The following ROR2 variants were observed in gnomAD, a reference collection of about 807,000 sequenced individuals.
The protein encoded by ROR2 is ROR family WNT receptor 2, also known as tyrosine-protein kinase transmembrane receptor ROR2.
ROR2 carries 33 observed loss-of-function variants against 74.9 expected under a neutral mutation model. The ratio of observed to expected loss-of-function variants is 0.44; its 90% CI spans 0.33 to 0.59. The LOEUF is 0.59. ROR2 is among the 20% of genes least tolerant of loss of function. ROR2 has a pLI of 0.02. For missense variants in ROR2, 1,216 were observed against 1,313.8 expected, an observed-to-expected ratio of 0.93 and a Z score of 1.15; for synonymous variants, 586 against 558.7, an observed-to-expected ratio of 1.05 and a Z score of -0.69.
At chr9:91,946,012 A>G (rs1367967084) in intron 1 of ROR2, among the ~76,000 whole-genome samples, 2 of 152,170 alleles carry the variant, frequency 1.3e-5, no homozygotes, top group African/African-American at 4.8e-5. Context: ...AGAAGCCCAC[A>G]CTACCCACTG....
At chr9:91,737,368 G>A (rs1269167670) in intron 5 of ROR2, 23 bp downstream of exon 5, 4 of 1,613,994 alleles carry the variant, frequency 2.5e-6, no homozygotes, top group Non-Finnish European at 2.5e-6. Flanking sequence ...TATCATCCTG[G>A]GAGAAAGGTC....
At chr9:91,885,035 G>A (rs1250999352) in intron 1 of ROR2, among the ~76,000 whole-genome samples, 2 of 152,170 alleles carry the variant, frequency 1.3e-5, no homozygotes, top group African/African-American at 4.8e-5. Context: ...TAACAAGCCT[G>A]TGTGTGGCTC....
intron 1 of ROR2, among the ~76,000 whole-genome samples, chr9:91,790,139 T>A (rs146245443): frequency 1.1e-4 from 16 of 152,334 alleles, no homozygotes; most frequent in Non-Finnish European, 1.2e-4. Flanking sequence ...TACATTGTAG[T>A]GTGATGCATT....
intron 1 of ROR2, among the ~76,000 whole-genome samples, chr9:91,823,951 T>C (rs921704531): frequency 2.6e-5 from 4 of 152,262 alleles, no homozygotes; most frequent in African/African-American, 9.6e-5. Flanking sequence ...AGTTTGTTGC[T>C]GTTCTTCCAT....
intron 1 of ROR2, among the ~76,000 whole-genome samples, chr9:91,805,798 C>CA (rs1827528365): frequency 6.6e-6 from 1 of 152,174 alleles, no homozygotes; most frequent in South Asian, 2.1e-4. Flanking sequence ...AAATTCCACT[C>CA]AAAAATGTCC....
intron 1 of ROR2, among the ~76,000 whole-genome samples, chr9:91,783,831 C>T (rs752588392): frequency 3.3e-5 from 5 of 152,280 alleles, no homozygotes; most frequent in Non-Finnish European, 7.4e-5. Flanking sequence ...CCACGCACAT[C>T]GTGCTCACAA....
chr9:91,765,431 A>AT (rs1826030794), intron 2 of ROR2, among the ~76,000 whole-genome samples: 1 of 152,020 alleles, frequency 6.6e-6, no homozygotes, highest in African/African-American at 2.4e-5. Flanking sequence ...GTGCTGTGTA[A>AT]TTTTTTTATT....
At chr9:91,945,941 G>C (rs1021681968) in intron 1 of ROR2, among the ~76,000 whole-genome samples, 1 of 152,302 alleles carries the variant, frequency 6.6e-6, no homozygotes, top group East Asian at 1.9e-4. Context: ...CCGGCCAGTT[G>C]CAGCTATAAT....
chr9:91,877,991 G>A (rs956735687), intron 1 of ROR2, among the ~76,000 whole-genome samples: 4 of 152,090 alleles, frequency 2.6e-5, no homozygotes, highest in African/African-American at 9.7e-5. Context: ...TAAGGATGAG[G>A]ACCCCATAAT....
chr9:91,731,173 G>A lies in ROR2; in HGVS notation c.938-18C>T, dbSNP rs771347406. 17 of 1,613,734 alleles carry A rather than the reference G, an allele frequency of 1.1e-5. No individual in the cohort carries two copies. In the East Asian group the frequency reaches 2.2e-4, roughly 21 times the overall value. ...CTGATGGTCTGAACAAGGAAAACAC[G>A]TTAGGAAAACCTCCGGGGTACAACA... is the stretch of plus-strand genomic sequence containing the variant. On this transcript the variant is annotated intron_variant, in intron 6 of 8. Transcript: ENST00000375708.
At chr9:91,758,590 C>T (rs1382322391) in intron 2 of ROR2, among the ~76,000 whole-genome samples, 1 of 152,176 alleles carries the variant, frequency 6.6e-6, no homozygotes, top group Non-Finnish European at 1.5e-5. Context: ...CGCGCACACA[C>T]ACTAGGGGGC....
intron 1 of ROR2, among the ~76,000 whole-genome samples, chr9:91,937,601 A>T (rs1831735950): frequency 6.6e-6 from 1 of 152,046 alleles, no homozygotes. Context: ...CCCTCACTGC[A>T]GCAGCCCGAC....
Position 91,788,164 on chromosome 9 carries a change from T to C in ROR2, c.98-12346A>G, listed in dbSNP as rs117626132. 3.9e-4 allele frequency among the ~76,000 whole-genome samples: 59 copies of C among 152,040 alleles called. No individual in the cohort carries two copies. In the East Asian group the frequency reaches 0.011, roughly 29 times the overall value. On this transcript the variant is annotated intron_variant, in intron 1 of 8. Transcript: ENST00000375708. ...GGAAGGCAGGTCAATAGAGATTATC[T>C]AGTCTGCAAAGAAAACAGAATGAAG...
intron 1 of ROR2, among the ~76,000 whole-genome samples, chr9:91,803,491 T>C (rs955846278): frequency 3.3e-5 from 5 of 152,252 alleles, no homozygotes; most frequent in East Asian, 1.9e-4. Flanking sequence ...GTATCAGAAC[T>C]GTACACTCAG....
intron 4 of ROR2, among the ~76,000 whole-genome samples, chr9:91,745,896 T>C (rs1825396557): frequency 6.6e-6 from 1 of 152,106 alleles, no homozygotes; most frequent in Non-Finnish European, 1.5e-5. Flanking sequence ...AAACAGAACT[T>C]ACCATAAAAA....
intron 1 of ROR2, among the ~76,000 whole-genome samples, chr9:91,888,624 G>A (rs1758364224): frequency 1.3e-5 from 2 of 152,180 alleles, no homozygotes; most frequent in Admixed American, 6.5e-5. Flanking sequence ...CTGCCCATGC[G>A]TCCTCTTCCA....
intron 1 of ROR2, among the ~76,000 whole-genome samples, chr9:91,835,027 G>A (rs1828569918): frequency 6.6e-6 from 1 of 152,182 alleles, no homozygotes; most frequent in South Asian, 2.1e-4. Context: ...CCAGGGATGA[G>A]GAGCCTGAGG....
chr9:91,755,158 G>T (rs531271680), intron 4 of ROR2, among the ~76,000 whole-genome samples: 1 of 149,052 alleles, frequency 6.7e-6, no homozygotes, highest in Non-Finnish European at 1.5e-5. Context: ...GTCTATTTGG[G>T]GGGGGAAAAA....
At chr9:91,852,287 G>A (rs550488785) in intron 1 of ROR2, among the ~76,000 whole-genome samples, 1 of 152,172 alleles carries the variant, frequency 6.6e-6, no homozygotes, top group Middle Eastern at 3.2e-3. Flanking sequence ...CACAACTAAT[G>A]AGAGTTTTAT....
Sources: allele counts gnomAD v4.1 joint callset (sites outside exome capture counted in the v4.1 genomes callset), GRCh38; gene constraint gnomAD v4.1.1; transcripts MANE v1.5; gene names NCBI Gene and HGNC (gene_info 2026-07-23, HGNC 2026-07-21).